The following NOL4 variants were observed in gnomAD, a reference collection of about 807,000 sequenced individuals.
NOL4 encodes the protein nucleolar protein 4.
NOL4 carries 17 observed loss-of-function variants against 75.9 expected under a neutral mutation model. The ratio of observed to expected loss-of-function variants is 0.22; its 90% CI spans 0.15 to 0.34. The LOEUF (loss-of-function observed/expected upper bound fraction) is 0.34, where lower values mean the gene tolerates loss of function less well. Ranked by LOEUF, NOL4 falls within the 10% of genes least tolerant of loss-of-function variation. The pLI is 1.00. For synonymous variants in NOL4, 292 were observed against 289.9 expected, an observed-to-expected ratio of 1.01 and a Z score of -0.07; for missense variants, 614 against 793.5, an observed-to-expected ratio of 0.77 and a Z score of 2.72.
intron 1 of NOL4, among the ~76,000 whole-genome samples, chr18:34,219,411 A>G (rs2037142532): frequency 6.6e-6 from 1 of 152,246 alleles, no homozygotes; most frequent in Non-Finnish European, 1.5e-5. Flanking sequence ...AAGAGCGTTT[A>G]ATAAATTTTC....
intron 5 of NOL4, among the ~76,000 whole-genome samples, chr18:34,039,726 A>G (rs1244772700): frequency 6.6e-6 from 1 of 152,012 alleles, no homozygotes; most frequent in Non-Finnish European, 1.5e-5. Context: ...CCAACAACTG[A>G]TTCAAAATCA....
chr18:33,954,583 G>T (rs2069506832), intron 8 of NOL4, among the ~76,000 whole-genome samples: 1 of 151,796 alleles, frequency 6.6e-6, no homozygotes, highest in South Asian at 2.1e-4. Flanking sequence ...TCATTGAAAA[G>T]GGAAAACTGA....
At chr18:33,925,009 G>A (rs1330346530) in intron 9 of NOL4, among the ~76,000 whole-genome samples, 3 of 151,920 alleles carry the variant, frequency 2.0e-5, no homozygotes, top group African/African-American at 7.3e-5. Flanking sequence ...AAGAAAACAG[G>A]AGCAACAAGG....
chr18:34,042,575 G>T (rs978426356), intron 5 of NOL4, among the ~76,000 whole-genome samples: 1 of 151,968 alleles, frequency 6.6e-6, no homozygotes, highest in Non-Finnish European at 1.5e-5. Context: ...AGGAAGAAAG[G>T]CAAGAAAAAG....
intron 10 of NOL4, among the ~76,000 whole-genome samples, chr18:33,858,407 T>C (rs952704857): frequency 1.3e-5 from 2 of 151,882 alleles, no homozygotes; most frequent in Non-Finnish European, 2.9e-5. Flanking sequence ...AAATCAACTA[T>C]AAAACCTCAG....
At chr18:34,172,363 T>G (rs2146272874) in intron 1 of NOL4, among the ~76,000 whole-genome samples, 1 of 152,206 alleles carries the variant, frequency 6.6e-6, no homozygotes, top group Admixed American at 6.5e-5. Flanking sequence ...GTATTATTTT[T>G]TATTCCATTG....
intron 9 of NOL4, among the ~76,000 whole-genome samples, chr18:33,895,901 A>C (rs2065372929): frequency 6.6e-6 from 1 of 152,152 alleles, no homozygotes. Flanking sequence ...ATATCTAGAA[A>C]ACCTCATAGT....
chr18:34,145,949 TCA>T (rs1388423242), intron 1 of NOL4, among the ~76,000 whole-genome samples: 4 of 152,124 alleles, frequency 2.6e-5, no homozygotes, highest in Non-Finnish European at 4.4e-5. Flanking sequence ...TATAAAATAC[TCA>T]CAGTTATTTA....
intron 10 of NOL4, among the ~76,000 whole-genome samples, chr18:33,876,167 T>G (rs1349704934): frequency 6.6e-6 from 1 of 152,078 alleles, no homozygotes; most frequent in Non-Finnish European, 1.5e-5. Context: ...TGCTAAGGTA[T>G]GCTCTTTTAT....
intron 5 of NOL4, among the ~76,000 whole-genome samples, chr18:34,045,672 T>C (rs1019571720): frequency 6.6e-6 from 1 of 152,168 alleles, no homozygotes; most frequent in African/African-American, 2.4e-5. Flanking sequence ...GTCAAACTTA[T>C]AGCATATAGA....
In NOL4 at chr18:34,024,202, T is replaced by A. The variant is rs1224600900; in HGVS notation, c.773-4601A>T. Among the ~76,000 whole-genome samples the A allele has an allele frequency of 2.1e-4, 26 of 122,828 alleles. 1 individual carries two copies. The highest frequency in any genetic ancestry group is 7.6e-4 in the African/African-American group (26 of 34,020). 80.6% of individuals were successfully genotyped at this position (122,828 alleles called of 152,430 possible). On this transcript the variant is annotated intron_variant, in intron 5 of 10. Transcript: ENST00000261592. ...ACAGGAAAAAAAAAAAAAATATATATATATATATATATAAAATCCTCATTT... is the reference window on the plus strand; with the variant it reads ...ACAGGAAAAAAAAAAAAAATATATAAATATATATATATAAAATCCTCATTT...
chr18:34,113,007 CTCTT>C (rs1300057093), intron 2 of NOL4, among the ~76,000 whole-genome samples: 1 of 152,146 alleles, frequency 6.6e-6, no homozygotes, highest in East Asian at 1.9e-4. Flanking sequence ...GTCACAGGGT[CTCTT>C]TCTATTGCCC....
At chr18:34,001,027 A>G (rs554730931) in intron 6 of NOL4, among the ~76,000 whole-genome samples, 5 of 152,296 alleles carry the variant, frequency 3.3e-5, no homozygotes, top group African/African-American at 1.2e-4. Flanking sequence ...AGGTCCTCAC[A>G]GAAAAACAAG....
At chr18:34,032,242 G>A (rs1161196470) in intron 5 of NOL4, among the ~76,000 whole-genome samples, 1 of 152,194 alleles carries the variant, frequency 6.6e-6, no homozygotes, top group Non-Finnish European at 1.5e-5. Flanking sequence ...TGCCACGGAA[G>A]GTAGCACCAC....
At chr18:33,857,688 C>T (rs2062899971) in intron 10 of NOL4, among the ~76,000 whole-genome samples, 1 of 152,006 alleles carries the variant, frequency 6.6e-6, no homozygotes, top group African/African-American at 2.4e-5. Context: ...CAAAATTTCA[C>T]AGTAATGAAC....
chr18:34,040,111 T>A (rs901418174), intron 5 of NOL4, among the ~76,000 whole-genome samples: 1 of 152,000 alleles, frequency 6.6e-6, no homozygotes, highest in African/African-American at 2.4e-5. Flanking sequence ...CATTGTAAGT[T>A]GAGAAGCATC....
chr18:34,041,112 T>C (rs1454423331), intron 5 of NOL4, among the ~76,000 whole-genome samples: 1 of 151,978 alleles, frequency 6.6e-6, no homozygotes. Flanking sequence ...AACCCAAATA[T>C]TTAAAATAAG....
intron 1 of NOL4, among the ~76,000 whole-genome samples, chr18:34,210,837 A>G (rs1174203992): frequency 6.6e-6 from 1 of 152,212 alleles, no homozygotes; most frequent in Non-Finnish European, 1.5e-5. Flanking sequence ...AAATTAGCTA[A>G]AGGGTACTTA....
intron 3 of NOL4, among the ~76,000 whole-genome samples, chr18:34,104,636 G>A (rs1568346394): frequency 1.3e-5 from 2 of 151,836 alleles, no homozygotes; most frequent in Non-Finnish European, 1.5e-5. Flanking sequence ...TAATTTTAAT[G>A]AGAGCTAAAT....
Sources: allele counts gnomAD v4.1 joint callset (sites outside exome capture counted in the v4.1 genomes callset), GRCh38; gene constraint gnomAD v4.1.1; transcripts MANE v1.5; gene names NCBI Gene and HGNC (gene_info 2026-07-23, HGNC 2026-07-21).